NELFCD: variants seen among roughly 807,000 people sequenced by gnomAD.
NELFCD encodes negative elongation factor complex member C/D.
NELFCD carries 48 observed loss-of-function variants against 72.9 expected under a neutral mutation model. That is an observed-to-expected ratio of 0.66 (90% confidence interval 0.52 to 0.84). The LOEUF is 0.84. Ranked by LOEUF, NELFCD falls within the 40% of genes least tolerant of loss-of-function variation. NELFCD has a pLI of 0.00. For synonymous variants in NELFCD, 297 were observed against 280.6 expected (o/e 1.06, Z -0.59); for missense variants, 538 against 723.8 (o/e 0.74, Z 2.94).
At chr20:58,982,247 C>A (rs1269751336) in intron 1 of NELFCD, among the ~76,000 whole-genome samples, 1 of 145,578 alleles carries the variant, frequency 6.9e-6, no homozygotes, top group Non-Finnish European at 1.5e-5. Flanking sequence ...ACGTCTGCCT[C>A]TCGGATTCAA....
chr20:58,992,864 AAAG>A (rs1377929036), intron 10 of NELFCD, 131 bp from the exon 11 acceptor site: 3 of 617,412 alleles, frequency 4.9e-6, no homozygotes, highest in Non-Finnish European at 5.7e-6. Flanking sequence ...AAAAAAAAAA[AAAG>A]GGTTGGGGGG....
intron 1 of NELFCD, 94 bp downstream of exon 1, chr20:58,981,463 G>A (rs950170035): frequency 4.4e-6 from 2 of 456,306 alleles, no homozygotes; most frequent in Non-Finnish European, 5.9e-6. Context: ...GCGGCGCGAG[G>A]CTGCGGGCGT....
At chr20:58,985,062 T>C (rs955672889) in intron 1 of NELFCD, among the ~76,000 whole-genome samples, 1 of 152,252 alleles carries the variant, frequency 6.6e-6, no homozygotes, top group Non-Finnish European at 1.5e-5. Context: ...AAAGGCTAGA[T>C]AGCAAATATT....
intron 1 of NELFCD, among the ~76,000 whole-genome samples, chr20:58,984,118 G>C (rs1260354614): frequency 1.3e-5 from 2 of 152,172 alleles, no homozygotes; most frequent in Non-Finnish European, 2.9e-5. Flanking sequence ...AGGAAGATGT[G>C]TAAGGAGGCC....
chr20:58,994,575 AAAAAAG>A lies in NELFCD; in HGVS notation c.1712-63_1712-58del. ...AAAACTGCATCTCAAAAAAAAAAAA[AAAAAAG>A]AAAGAAAATGTCATGTTCTACTTCC... On this transcript the variant is annotated intron_variant, in intron 14 of 14. Coordinates refer to ENST00000652272, the MANE Select transcript of NELFCD (RefSeq NM_198976.4). 9 of 1,363,834 alleles carry A rather than the reference AAAAAAG, an allele frequency of 6.6e-6. No homozygotes were observed. The African/African-American group carries it at 7.4e-5, about 11-fold the overall frequency. The allele number at this position is 1,363,834 out of a possible 1,614,324, so 84.5% of individuals were successfully genotyped here. A position where few individuals can be genotyped will look rare whatever the true frequency, so the allele number is the denominator to read the frequency against.
chr20:58,991,544 C>T lies in NELFCD; in HGVS notation c.1089+98C>T, dbSNP rs186280631. 34 of 1,371,874 alleles carry T rather than the reference C, an allele frequency of 2.5e-5. No homozygotes were observed. The Admixed American group carries it at 6.1e-4, about 25-fold the overall frequency. 85.0% of individuals were successfully genotyped at this position (1,371,874 alleles called of 1,614,324 possible). ...AATTTTGGCTGCAAGAAATCTTGAC[C>T]CTCCCTAGTATCAGGCATGTGTTTT... On this transcript the variant is annotated intron_variant, in intron 9 of 14. Transcript: ENST00000652272.
rs149396028 is a variant in NELFCD at position 58,994,105 on chromosome 20, C to T, written c.1582-5C>T. ...GAAGAAGTCACCCTGTGCTCCCCCA[C>T]GCAGGTGCTGGACGTCATTGCTCCT... On this transcript the variant is annotated splice_region_variant and splice_polypyrimidine_tract_variant and intron_variant, in intron 13 of 14. Transcript: ENST00000652272. The T allele has an allele frequency of 5.9e-5, 96 of 1,614,042 alleles. No individual in the cohort carries two copies. The highest frequency in any genetic ancestry group is 2.8e-4 in the African/African-American group (21 of 75,070).
At chr20:58,982,859 T>C (rs1383915983) in intron 1 of NELFCD, among the ~76,000 whole-genome samples, 1 of 152,178 alleles carries the variant, frequency 6.6e-6, no homozygotes, top group Non-Finnish European at 1.5e-5. Context: ...GCTTGGGCCA[T>C]GTGTGTCATG....
intron 10 of NELFCD, 63 bp from the exon 11 acceptor site, chr20:58,992,935 C>A: frequency 8.3e-7 from 1 of 1,205,094 alleles, no homozygotes. Context: ...TCCTTTAATG[C>A]TTTTCTAGCA....
chr20:58,987,527 G>T, intron 3 of NELFCD, 181 bp from the exon 4 acceptor site: 1 of 600,358 alleles, frequency 1.7e-6, no homozygotes, highest in Non-Finnish European at 3.0e-6. Context: ...TCTGTTCTGT[G>T]CTGCTTTTTG....
chr20:58,987,594 C>T, intron 3 of NELFCD, 114 bp from the exon 4 acceptor site: 1 of 814,586 alleles, frequency 1.2e-6, no homozygotes, highest in South Asian at 1.7e-5. Flanking sequence ...TATAAGTGGT[C>T]AGAAGCAATT....
chr20:58,990,083 C>A, intron 7 of NELFCD, 95 bp downstream of exon 7: 2 of 1,513,888 alleles, frequency 1.3e-6, no homozygotes, highest in East Asian at 2.3e-5. Context: ...CTGCTAGCTC[C>A]TTCTGTTCAA....
chr20:58,994,247 C>T lies in NELFCD; in HGVS notation c.1711+8C>T, dbSNP rs748229855. Reference sequence around the variant, plus strand: ...CTGTGACGGAGTTTATAGGTGAGGCCGACTGCCTAGCCCTTTACTACAATA... The same window carrying T: ...CTGTGACGGAGTTTATAGGTGAGGCTGACTGCCTAGCCCTTTACTACAATA... On this transcript the variant is annotated splice_region_variant and intron_variant, in intron 14 of 14. Coordinates refer to ENST00000652272, the MANE Select transcript of NELFCD (RefSeq NM_198976.4). 17 of 1,613,480 alleles carry T rather than the reference C, an allele frequency of 1.1e-5. No individual in the cohort carries two copies. Among genetic ancestry groups the T allele is most frequent in the East Asian group, 4.5e-5 (2 of 44,880 alleles).
intron 10 of NELFCD, 98 bp from the exon 11 acceptor site, chr20:58,992,900 A>T: frequency 1.4e-6 from 1 of 720,738 alleles, no homozygotes; most frequent in Non-Finnish European, 2.5e-6. Context: ...TGAATGATGG[A>T]GTCATTTGAG....
intron 1 of NELFCD, among the ~76,000 whole-genome samples, chr20:58,984,236 G>C (rs2090344190): frequency 6.6e-6 from 1 of 152,146 alleles, no homozygotes; most frequent in Admixed American, 6.5e-5. Flanking sequence ...AGAACGGACA[G>C]GGGAAGTGGG....
rs780428857 is a variant in NELFCD at position 58,991,369 on chromosome 20, C to T, written c.1012C>T (p.Arg338Trp). 1.1e-5 allele frequency: 18 copies of T among 1,614,056 alleles called. No individual in the cohort carries two copies. The highest frequency in any genetic ancestry group is 1.4e-5 in the Non-Finnish European group (17 of 1,180,044). ...FMQSLFKPGA[R>W]INQDHKHKYI... ...GCAGTCACTCTTTAAACCAGGGGCT[C>T]GGATCAACCAGGACCACAAGCACAA... The change falls in exon 9 of 15, where the codon CGG becomes TGG. Residue 338 changes from arginine to tryptophan, a missense_variant. This residue lies in a region of NELFCD where 355 missense variants were observed against 534.5 expected (regional missense o/e 0.66). Coordinates refer to ENST00000652272, the MANE Select transcript of NELFCD (RefSeq NM_198976.4).
intron 1 of NELFCD, among the ~76,000 whole-genome samples, chr20:58,982,972 A>G (rs1271586284): frequency 6.6e-6 from 1 of 152,118 alleles, no homozygotes; most frequent in Admixed American, 6.6e-5. Flanking sequence ...GCCCAAGGTC[A>G]TGAAACTAAT....
Position 58,990,922 on chromosome 20 carries a change from C to G in NELFCD, c.801C>G (p.Ala267=). The G allele has an allele frequency of 6.2e-7, 1 of 1,613,746 alleles. No homozygotes were observed. The highest frequency in any genetic ancestry group is 1.3e-5 in the African/African-American group (1 of 75,018). Residue 267 remains alanine, a synonymous_variant, in exon 8 of 15, where the codon GCC becomes GCG. Coordinates refer to ENST00000652272, the MANE Select transcript of NELFCD (RefSeq NM_198976.4). ...QRFAQEKGHD[A]SQITLALGTA... ...TTTTCTCATCAAGAGGTCATGACGC[C>G]AGTCAGATCACACTAGCCTTGGGCA... is the stretch of plus-strand genomic sequence containing the variant.
At chr20:58,987,438 AT>A in intron 3 of NELFCD, 1 of 425,696 alleles carries the variant, frequency 2.3e-6, no homozygotes, top group Non-Finnish European at 4.2e-6. Flanking sequence ...TGCTGGGGCC[AT>A]TTGTCTTTAT....
Sources: allele counts gnomAD v4.1 joint callset (sites outside exome capture counted in the v4.1 genomes callset), GRCh38; gene constraint gnomAD v4.1.1; regional missense constraint gnomAD v4.1.1; transcripts MANE v1.5; gene names NCBI Gene and HGNC (gene_info 2026-07-23, HGNC 2026-07-21).